The following UTS2B variants were observed in gnomAD, a reference collection of about 807,000 sequenced individuals.
UTS2B encodes the protein urotensin-2B.
In UTS2B, 21 loss-of-function variants were observed where a neutral mutation model predicts 19.2. The observed-to-expected ratio is 1.09, with a 90% confidence interval of 0.78 to 1.58. UTS2B has a LOEUF of 1.58. Ranked by LOEUF, UTS2B falls within the 40% of genes most tolerant of loss-of-function variation. The pLI is 0.00. For missense variants in UTS2B, 138 were observed against 130.3 expected, an observed-to-expected ratio of 1.06 and a Z score of -0.29; for synonymous variants, 57 against 50.2, an observed-to-expected ratio of 1.14 and a Z score of -0.58.
chr3:191,344,571 TTTTG>T, the UTS2B span, among the ~76,000 whole-genome samples: 1,273 of 152,210 alleles, frequency 8.4e-3, 13 homozygotes, highest in Middle Eastern at 0.034. Flanking sequence ...TGTCATTTCC[TTTTG>T]TTTGTTTGTT....
chr3:191,329,920 C>A (rs1717896055), intron 1 of UTS2B, among the ~76,000 whole-genome samples: 1 of 115,324 alleles, frequency 8.7e-6, no homozygotes, highest in Non-Finnish European at 1.6e-5. Flanking sequence ...GTTCCAAGCC[C>A]GTTTTTTCTC....
chr3:191,267,545 G>C lies in UTS2B; in HGVS notation c.*871C>G, dbSNP rs906972365. ...CGGATCAGCAGGTTGAGAAATAACA[G>C]ACACACACAAGATAGTGAAAGCTGG... On this transcript the variant is annotated 3_prime_UTR_variant, in exon 9 of 9. Coordinates refer to ENST00000340524, the MANE Select transcript of UTS2B (RefSeq NM_198152.5). The C allele has an allele frequency of 2.6e-5, 4 of 152,190 alleles. No individual in the cohort carries two copies. The highest frequency in any genetic ancestry group is 9.7e-5 in the African/African-American group (4 of 41,430). 9.4% of individuals were successfully genotyped at this position (152,190 alleles called of 1,614,324 possible). A position where few individuals can be genotyped will look rare whatever the true frequency, so the allele number is the denominator to read the frequency against.
rs911308659 is a variant in UTS2B, at chr3:191,297,056, C to A, written c.-125+7436G>T. Among the ~76,000 whole-genome samples the A allele has an allele frequency of 9.2e-5, 14 of 152,080 alleles. No homozygotes were observed. In the East Asian group the frequency reaches 9.6e-4, roughly 10 times the overall value. On this transcript the variant is annotated intron_variant, in intron 4 of 8. Transcript: ENST00000340524. The stretch of plus-strand genomic sequence containing the variant: ...AACATCTGTGAGAAAGAAAAAAAAA[C>A]CTTTTCTTTAAATGAGAATCTCTTC...
chr3:191,313,939 G>A (rs749901550), intron 3 of UTS2B, among the ~76,000 whole-genome samples: 10 of 151,592 alleles, frequency 6.6e-5, no homozygotes, highest in Non-Finnish European at 1.5e-4. Flanking sequence ...CCATGCTGGC[G>A]AGGCTGGTCT....
chr3:191,283,625 G>A (rs917858131), intron 4 of UTS2B, among the ~76,000 whole-genome samples: 12 of 152,082 alleles, frequency 7.9e-5, no homozygotes, highest in Admixed American at 5.2e-4. Flanking sequence ...AGTGGTTTGC[G>A]GGAAAAATGA....
At chr3:191,286,388 A>G (rs1716543991) in intron 4 of UTS2B, among the ~76,000 whole-genome samples, 1 of 109,630 alleles carries the variant, frequency 9.1e-6, no homozygotes, top group African/African-American at 2.6e-5. Context: ...CACAATTAAC[A>G]AATTTAAGAA....
At chr3:191,299,767 C>T (rs1716945770) in intron 4 of UTS2B, among the ~76,000 whole-genome samples, 1 of 152,170 alleles carries the variant, frequency 6.6e-6, no homozygotes, top group African/African-American at 2.4e-5. Context: ...ATTGTAGATA[C>T]ACCAACAACT....
At chr3:191,341,010 G>T in the UTS2B span, among the ~76,000 whole-genome samples, 1 of 150,442 alleles carries the variant, frequency 6.6e-6, no homozygotes, top group African/African-American at 2.5e-5. Context: ...TTTTTTGGTA[G>T]AGTGAGGGTC....
intron 4 of UTS2B, among the ~76,000 whole-genome samples, chr3:191,293,924 C>T (rs1716783783): frequency 6.6e-6 from 1 of 151,594 alleles, no homozygotes; most frequent in African/African-American, 2.4e-5. Flanking sequence ...GCCTGACCAA[C>T]ATGGAGAAAC....
chr3:191,335,149 T>C (rs1718099303), upstream of UTS2B, among the ~76,000 whole-genome samples: 1 of 152,158 alleles, frequency 6.6e-6, no homozygotes, highest in African/African-American at 2.4e-5. Context: ...TTTTCCTCAG[T>C]GACAAAAAAC....
chr3:191,277,103 C>T (rs1716258368), intron 6 of UTS2B, among the ~76,000 whole-genome samples: 1 of 152,080 alleles, frequency 6.6e-6, no homozygotes, highest in Admixed American at 6.6e-5. Flanking sequence ...ATAGTTCTAG[C>T]ATGACCTATT....
At chr3:191,315,166 C>G (rs1489014501) in intron 3 of UTS2B, among the ~76,000 whole-genome samples, 2 of 152,092 alleles carry the variant, frequency 1.3e-5, no homozygotes, top group Non-Finnish European at 1.5e-5. Context: ...GCGCCTGCCA[C>G]CATGCCCAGA....
At chr3:191,310,074 T>A (rs1019889683) in intron 3 of UTS2B, among the ~76,000 whole-genome samples, 2 of 152,074 alleles carry the variant, frequency 1.3e-5, no homozygotes, top group Non-Finnish European at 2.9e-5. Flanking sequence ...GTGATTCTCC[T>A]GCCTCAGCCA....
upstream of UTS2B, among the ~76,000 whole-genome samples, chr3:191,332,943 T>C (rs1718038851): frequency 6.6e-6 from 1 of 152,236 alleles, no homozygotes; most frequent in Non-Finnish European, 1.5e-5. Context: ...CATTAGAGCT[T>C]TACCACTTTT....
chr3:191,301,784 C>T (rs566743808), intron 4 of UTS2B, among the ~76,000 whole-genome samples: 7 of 152,212 alleles, frequency 4.6e-5, no homozygotes, highest in African/African-American at 9.6e-5. Flanking sequence ...CCACCACGCC[C>T]GGCCAATTTT....
chr3:191,321,534 A>G (rs1717611092), intron 2 of UTS2B, among the ~76,000 whole-genome samples: 1 of 152,174 alleles, frequency 6.6e-6, no homozygotes, highest in South Asian at 2.1e-4. Context: ...ACTTTTCGCA[A>G]TGATTCCCAA....
chr3:191,301,910 T>C (rs1179623761), intron 4 of UTS2B, among the ~76,000 whole-genome samples: 1 of 152,184 alleles, frequency 6.6e-6, no homozygotes, highest in Admixed American at 6.5e-5. Flanking sequence ...AGTCAATATT[T>C]ATGGAGTTTT....
the UTS2B span, among the ~76,000 whole-genome samples, chr3:191,341,635 C>G: frequency 6.6e-6 from 1 of 152,170 alleles, no homozygotes; most frequent in Admixed American, 6.5e-5. Flanking sequence ...AGAGTGCTAG[C>G]TGTTTTCAGC....
chr3:191,307,646 T>C (rs1208451615), intron 3 of UTS2B, among the ~76,000 whole-genome samples: 1 of 152,132 alleles, frequency 6.6e-6, no homozygotes, highest in Non-Finnish European at 1.5e-5. Context: ...GTCTACCTCA[T>C]GGAGTGTTAA....
Sources: gnomAD v4.1 joint callset for allele counts (sites outside exome capture counted in the v4.1 genomes callset) on GRCh38, gnomAD v4.1.1 for gene constraint, MANE v1.5 for transcripts, NCBI Gene and HGNC (gene_info 2026-07-23, HGNC 2026-07-21) for gene names.